Variants in VWA5A observed in about 807,000 individuals in gnomAD.
VWA5A encodes the protein von Willebrand factor A domain-containing protein 5A.
A neutral mutation model predicts 84.6 loss-of-function variants in VWA5A; 77 were observed. The observed-to-expected ratio is 0.91, with a 90% CI of 0.76 to 1.10. VWA5A has a LOEUF of 1.10. Ranked by LOEUF, VWA5A falls within the 50% of genes least tolerant of loss-of-function variation. The pLI, the probability that VWA5A is intolerant of heterozygous loss-of-function variation, is 0.00. For missense variants in VWA5A, 973 were observed against 963.0 expected, an observed-to-expected ratio of 1.01 and a Z score of -0.14; for synonymous variants, 334 against 350.1, an observed-to-expected ratio of 0.95 and a Z score of 0.51.
In VWA5A at chr11:124,118,514, CT is replaced by C. The variant is rs748456138; in HGVS notation, c.470-18del. ...AAAAGTGTTGGCAAGGAAAACAGAA[CT>C]AAGGTCATCTTTTATAGGGTCGTCT... On this transcript the variant is annotated intron_variant, in intron 5 of 18. Transcript: ENST00000456829. 1 of 1,613,308 alleles carries C rather than the reference CT, an allele frequency of 6.2e-7. No homozygotes were observed. Among genetic ancestry groups the C allele is most frequent in the African/African-American group, 1.3e-5 (1 of 74,872 alleles).
At chr11:124,118,077 C>A in intron 4 of VWA5A, 112 bp from the exon 5 acceptor site, 1 of 1,303,192 alleles carries the variant, frequency 7.7e-7, no homozygotes, top group Non-Finnish European at 1.0e-6. Context: ...CAGAGTATAG[C>A]TGTGATTAGA....
In VWA5A at chr11:124,123,417, A is replaced by G. The variant is rs758509603; in HGVS notation, c.982A>G (p.Ile328Val). The G allele has an allele frequency of 1.2e-6, 2 of 1,614,118 alleles. No individual in the cohort carries two copies. Among genetic ancestry groups the G allele is most frequent in the Non-Finnish European group, 1.7e-6 (2 of 1,180,024 alleles). The change falls in exon 9 of 19, where the codon ATC becomes GTC. Residue 328 changes from isoleucine to valine, a missense_variant. Physicochemically the swap from Ile to Val is conservative, Grantham distance 29. Transcript: ENST00000456829. ...KSLPIGCYFN[I>V]YGFGSSYEAC... ...TTTACCTATAGGCTGTTATTTCAAC[A>G]TCTATGGATTTGGCTCTTCCTATGA...
chr11:124,137,888 T>C (rs986395986), intron 15 of VWA5A, among the ~76,000 whole-genome samples: 1 of 152,236 alleles, frequency 6.6e-6, no homozygotes, highest in African/African-American at 2.4e-5. Context: ...AGACAGGGTC[T>C]CACTCTGTTG....
intron 15 of VWA5A, among the ~76,000 whole-genome samples, chr11:124,138,957 TGAGAG>T (rs1860672924): frequency 1.3e-5 from 2 of 152,224 alleles, no homozygotes; most frequent in Admixed American, 1.3e-4. Context: ...TTCTATGTGA[TGAGAG>T]ATAAGGGTCT....
chr11:124,142,961 GT>G (rs1860758228), intron 17 of VWA5A, among the ~76,000 whole-genome samples: 4 of 152,266 alleles, frequency 2.6e-5, no homozygotes, highest in Middle Eastern at 3.4e-3. Flanking sequence ...ATTTAATAAG[GT>G]AGATCCCATT....
chr11:124,125,464 T>C (rs915692158), intron 11 of VWA5A, among the ~76,000 whole-genome samples: 1 of 152,108 alleles, frequency 6.6e-6, no homozygotes, highest in African/African-American at 2.4e-5. Context: ...TTTGTATGTT[T>C]AGTAGAGATG....
intron 11 of VWA5A, among the ~76,000 whole-genome samples, chr11:124,126,290 G>T (rs566759419): frequency 9.2e-5 from 14 of 152,206 alleles, no homozygotes; most frequent in African/African-American, 3.4e-4. Context: ...TGGTATATTG[G>T]CTAGAACTGC....
At position 124,118,215 on chromosome 11, in the gene VWA5A, C is replaced by G; in HGVS notation, c.273C>G (p.Ile91Met). 6.2e-7 allele frequency: 1 copy of G among 1,614,114 alleles called. No homozygotes were observed. Among genetic ancestry groups the G allele is most frequent in the Non-Finnish European group, 8.5e-7 (1 of 1,180,012 alleles). The change falls in exon 5 of 19, where the codon ATC becomes ATG. Residue 91 changes from isoleucine (I) to methionine (M), a missense_variant. Physicochemically the swap from Ile to Met is conservative, Grantham distance 10 (BLOSUM62 1). Coordinates refer to ENST00000456829, the MANE Select transcript of VWA5A (RefSeq NM_001130142.2). Reference sequence around the variant, plus strand: ...CCCGCACCAACTATGAGAAAGCCATCTCCCAGGGCCACCAGGCCTTCTTAT... The same window carrying G: ...CCCGCACCAACTATGAGAAAGCCATGTCCCAGGGCCACCAGGCCTTCTTAT... ...MKARTNYEKAISQGHQAFLLE... is the reference protein window; with the variant it reads ...MKARTNYEKAMSQGHQAFLLE...
At chr11:124,126,405 C>T (rs780635962) in intron 11 of VWA5A, among the ~76,000 whole-genome samples, 3 of 152,114 alleles carry the variant, frequency 2.0e-5, no homozygotes, top group Non-Finnish European at 2.9e-5. Context: ...TCTGATTTCT[C>T]GAAGTGTTTG....
At position 124,145,925 on chromosome 11, in the gene VWA5A, C is replaced by T. The variant is rs1273184812; in HGVS notation, c.2341C>T (p.Pro781Ser). Residue 781 changes from proline (P) to serine (S), a missense_variant, in exon 19 of 19, where the codon CCT (proline) becomes TCT (serine). Physicochemically the swap from Pro to Ser is moderately conservative, Grantham distance 74. Coordinates refer to ENST00000456829, the MANE Select transcript of VWA5A (RefSeq NM_001130142.2). ...AITFLKSSVD[P>S]AIFAF ...TACTTTCCTGAAGTCATCTGTGGAT[C>T]CTGCTATCTTTGCCTTTTGAAGATA... 1.3e-6 allele frequency: 2 copies of T among 1,587,186 alleles called. No individual in the cohort carries two copies. The highest frequency in any genetic ancestry group is 4.5e-5 in the East Asian group (2 of 44,368).
chr11:124,116,948 G>A (rs549995416), intron 2 of VWA5A, among the ~76,000 whole-genome samples: 32 of 152,252 alleles, frequency 2.1e-4, no homozygotes, highest in East Asian at 7.7e-4. Flanking sequence ...CACATGCAGC[G>A]CGTCTCTGAA....
At chr11:124,123,912 G>T in intron 10 of VWA5A, 108 bp downstream of exon 10, 1 of 1,391,552 alleles carries the variant, frequency 7.2e-7, no homozygotes, top group Middle Eastern at 1.9e-4. Context: ...GCAATTCACA[G>T]TCTTCTATCA....
chr11:124,118,498 G>T (rs778545099), intron 5 of VWA5A, 35 bp from the exon 6 acceptor site: 58 of 1,611,448 alleles, frequency 3.6e-5, no homozygotes, highest in Non-Finnish European at 4.8e-5. Context: ...AAAAAGTGTT[G>T]GCAAGGAAAA....
Position 124,117,757 on chromosome 11 carries a change from A to G in VWA5A, c.128A>G (p.Glu43Gly), listed in dbSNP as rs746966313. The change falls in exon 4 of 19, where the codon GAG (glutamate) becomes GGG (glycine). Residue 43 changes from glutamate to glycine, a missense_variant. Transcript: ENST00000456829. Reference sequence around the variant, plus strand: ...GCAACTTTGAACTACGAGAATGAGGAGAAAGTTCCTTTGGAGGCCTTCTTT... The same window carrying G: ...GCAACTTTGAACTACGAGAATGAGGGGAAAGTTCCTTTGGAGGCCTTCTTT... ...VSATLNYENEEKVPLEAFFVF... is the reference protein window; with the variant it reads ...VSATLNYENEGKVPLEAFFVF... 1.2e-6 allele frequency: 2 copies of G among 1,614,180 alleles called. No homozygotes were observed. The highest frequency in any genetic ancestry group is 2.2e-5 in the South Asian group (2 of 91,080).
chr11:124,118,802 G>A, intron 6 of VWA5A, 94 bp downstream of exon 6: 2 of 1,466,244 alleles, frequency 1.4e-6, no homozygotes, highest in South Asian at 1.3e-5. Flanking sequence ...GTAACCCAGA[G>A]GGGGTCCCAC....
At chr11:124,135,676 G>A (rs1182280021) in intron 12 of VWA5A, among the ~76,000 whole-genome samples, 4 of 147,572 alleles carry the variant, frequency 2.7e-5, no homozygotes, top group African/African-American at 7.5e-5. Context: ...GACTACAGGC[G>A]CCCGCCACTA....
chr11:124,141,501 A>G, intron 15 of VWA5A, 97 bp from the exon 16 acceptor site: 1 of 1,482,438 alleles, frequency 6.7e-7, no homozygotes, highest in East Asian at 2.3e-5. Flanking sequence ...GACTGAAGCC[A>G]GTGTGGATGG....
In VWA5A at chr11:124,117,745, A is replaced by G. The variant is rs778568979; in HGVS notation, c.116A>G (p.Tyr39Cys). Residue 39 changes from tyrosine to cysteine, a missense_variant, in exon 4 of 19, where the codon TAC becomes TGC. Coordinates refer to ENST00000456829, the MANE Select transcript of VWA5A (RefSeq NM_001130142.2). ...FVAGVSATLN[Y>C]ENEEKVPLEA... ...GCTGGTGTGTCTGCAACTTTGAACT[A>G]CGAGAATGAGGAGAAAGTTCCTTTG... The G allele has an allele frequency of 6.2e-7, 1 of 1,614,186 alleles. No homozygotes were observed. Among genetic ancestry groups the G allele is most frequent in the South Asian group, 1.1e-5 (1 of 91,082 alleles).
chr11:124,117,747 G>T lies in VWA5A; in HGVS notation c.118G>T (p.Glu40Ter), dbSNP rs758203430. 3 of 1,614,166 alleles carry T rather than the reference G, an allele frequency of 1.9e-6. No homozygotes were observed. The South Asian group carries it at 3.3e-5, about 18-fold the overall frequency. The change falls in exon 4 of 19, where the codon GAG (glutamate) becomes TAG (stop). Residue 40 changes from glutamate to a stop codon, truncating the protein, a stop_gained. Coordinates refer to ENST00000456829, the MANE Select transcript of VWA5A (RefSeq NM_001130142.2). LOFTEE classifies it high-confidence loss of function. ...TGGTGTGTCTGCAACTTTGAACTAC[G>T]AGAATGAGGAGAAAGTTCCTTTGGA... ...VAGVSATLNYENEEKVPLEAF... is the reference protein window; with the variant it reads ...VAGVSATLNY
Sources: gnomAD v4.1 joint callset for allele counts (sites outside exome capture counted in the v4.1 genomes callset) on GRCh38, gnomAD v4.1.1 for gene constraint, MANE v1.5 for transcripts, NCBI Gene and HGNC (gene_info 2026-07-23, HGNC 2026-07-21) for gene names.